The following ZNF514 variants were observed in gnomAD, a reference collection of about 807,000 sequenced individuals.
ZNF514 encodes the protein zinc finger protein 514.
Under a neutral mutation model 9.7 loss-of-function variants are expected in ZNF514, and 12 were observed. That is an observed-to-expected ratio of 1.24 (90% confidence interval 0.79 to 2.01). ZNF514 has a LOEUF of 2.01. Among genes scored for constraint, ZNF514 ranks in the 30% most tolerant of loss-of-function variants. The probability of loss-of-function intolerance (pLI) is 0.00; values close to 1 mark genes in which losing one functional copy is unlikely to be tolerated. For missense variants in ZNF514, 467 were observed against 465.5 expected, an observed-to-expected ratio of 1.00 and a Z score of -0.03; for synonymous variants, 158 against 163.7, an observed-to-expected ratio of 0.97 and a Z score of 0.27.
Position 95,157,341 on chromosome 2 carries a change from T to C in ZNF514, c.-7+10A>G. The C allele has an allele frequency of 7.8e-7, 1 of 1,288,450 alleles. No individual in the cohort carries two copies. Among genetic ancestry groups the C allele is most frequent in the Non-Finnish European group, 1.0e-6 (1 of 987,652 alleles). The allele number at this position is 1,288,450 out of a possible 1,614,324, so 79.8% of individuals were successfully genotyped here. A position where few individuals can be genotyped will look rare whatever the true frequency, so the allele number is the denominator to read the frequency against. ...CAGGCATTTGAGGAAAAATTAAGAA[T>C]ACAACTCACCCGAGGCCTGGCTTTC... On this transcript the variant is annotated intron_variant, in intron 2 of 4. Transcript: ENST00000295208.
At chr2:95,137,971 A>C in the ZNF514 span, among the ~76,000 whole-genome samples, 1 of 152,098 alleles carries the variant, frequency 6.6e-6, no homozygotes, top group Non-Finnish European at 1.5e-5. Flanking sequence ...TGCCCCCATC[A>C]ACTCTTTCTC....
Position 95,152,743 on chromosome 2 carries a change from T to A in ZNF514, c.148A>T (p.Ile50Phe). ...TCACCCCCTTCCTCCAACTGGCAGATCACATATGGTTTGGATACTAGAAGG... is the reference window on the plus strand; with the variant it reads ...TCACCCCCTTCCTCCAACTGGCAGAACACATATGGTTTGGATACTAGAAGG... The part of the protein sequence containing the change: ...LGLLVSKPYV[I>F]CQLEEGGEPF... Residue 50 changes from isoleucine to phenylalanine, a missense_variant, in exon 4 of 5, where the codon ATC becomes TTC. Physicochemically the swap from Ile to Phe is conservative, Grantham distance 21. Transcript: ENST00000295208. 1 of 1,614,172 alleles carries A rather than the reference T, an allele frequency of 6.2e-7. No homozygotes were observed. The highest frequency in any genetic ancestry group is 8.5e-7 in the Non-Finnish European group (1 of 1,180,024).
At position 95,149,094 on chromosome 2, in the gene ZNF514, G is replaced by T; in HGVS notation, c.*188C>A. 2 of 642,942 alleles carry T rather than the reference G, an allele frequency of 3.1e-6. No individual in the cohort carries two copies. The highest frequency in any genetic ancestry group is 1.8e-5 in the African/African-American group (1 of 54,778). The allele number at this position is 642,942 out of a possible 1,614,324, so 39.8% of individuals were successfully genotyped here. A position where few individuals can be genotyped will look rare whatever the true frequency, so the allele number is the denominator to read the frequency against. ...CACTAGTATGGATTCTCCCATGTTT[G>T]GTAAGAGAGGGGAAGCCCACCCCCT... On this transcript the variant is annotated 3_prime_UTR_variant, in exon 5 of 5. Coordinates refer to ENST00000295208, the MANE Select transcript of ZNF514 (RefSeq NM_032788.3).
chr2:95,143,881 TAGAA>T, downstream of ZNF514, among the ~76,000 whole-genome samples: 1 of 152,270 alleles, frequency 6.6e-6, no homozygotes, highest in Admixed American at 6.5e-5. Context: ...TAAATTAAAG[TAGAA>T]AGAAAGGAAT....
chr2:95,123,154 G>T, the ZNF514 span, among the ~76,000 whole-genome samples: 1 of 152,156 alleles, frequency 6.6e-6, no homozygotes, highest in Admixed American at 6.5e-5. Context: ...GCTAAGTAAA[G>T]AGGCTGACTG....
the ZNF514 span, among the ~76,000 whole-genome samples, chr2:95,135,702 A>G: frequency 4.0e-5 from 6 of 151,890 alleles, no homozygotes; most frequent in East Asian, 9.8e-4. Flanking sequence ...GATTACAGGC[A>G]TGACCCATCA....
At chr2:95,128,327 T>C in the ZNF514 span, among the ~76,000 whole-genome samples, 3 of 151,176 alleles carry the variant, frequency 2.0e-5, no homozygotes, top group African/African-American at 7.3e-5. Flanking sequence ...GAGGTGAAGG[T>C]TGCAGTGAGC....
rs1332889849 is a variant in ZNF514 at position 95,148,573 on chromosome 2, T to A, written c.*709A>T. Reference sequence around the variant, plus strand: ...AGTTGCTCTAGCACAAATTCTCTAATGTACAAATTCTCTAACGTGTTTTGG... The same window carrying A: ...AGTTGCTCTAGCACAAATTCTCTAAAGTACAAATTCTCTAACGTGTTTTGG... On this transcript the variant is annotated 3_prime_UTR_variant, in exon 5 of 5. Coordinates refer to ENST00000295208, the MANE Select transcript of ZNF514 (RefSeq NM_032788.3). 6.6e-6 allele frequency: 1 copy of A among 151,982 alleles called. No homozygotes were observed. Among genetic ancestry groups the A allele is most frequent in the East Asian group, 1.9e-4 (1 of 5,200 alleles). 9.4% of individuals were successfully genotyped at this position (151,982 alleles called of 1,614,324 possible).
chr2:95,134,605 T>C, the ZNF514 span, among the ~76,000 whole-genome samples: 12 of 152,280 alleles, frequency 7.9e-5, no homozygotes, highest in East Asian at 1.5e-3. Flanking sequence ...AGAAACCCCA[T>C]ACCCTTTAGC....
downstream of ZNF514, among the ~76,000 whole-genome samples, chr2:95,143,211 C>A (rs1277632654): frequency 6.6e-6 from 1 of 152,174 alleles, no homozygotes; most frequent in Non-Finnish European, 1.5e-5. Flanking sequence ...GTCAATCTTT[C>A]TCAACAAAGA....
At chr2:95,133,464 G>A in the ZNF514 span, among the ~76,000 whole-genome samples, 1 of 152,200 alleles carries the variant, frequency 6.6e-6, no homozygotes, top group Non-Finnish European at 1.5e-5. Context: ...TAGGAAGGGG[G>A]TGGCAGCAGG....
At chr2:95,125,302 A>G in the ZNF514 span, among the ~76,000 whole-genome samples, 228 of 145,238 alleles carry the variant, frequency 1.6e-3, 1 homozygote, top group Non-Finnish European at 2.7e-3. Flanking sequence ...GTATAGTGGC[A>G]TGATCTCAGC....
At chr2:95,152,351 T>C (rs1268404257) in intron 4 of ZNF514, among the ~76,000 whole-genome samples, 1 of 152,080 alleles carries the variant, frequency 6.6e-6, no homozygotes, top group Non-Finnish European at 1.5e-5. Context: ...CCCTTAACTC[T>C]GCTGATCTAG....
chr2:95,143,866 TTAAA>T (rs1420218926), downstream of ZNF514, among the ~76,000 whole-genome samples: 1 of 152,182 alleles, frequency 6.6e-6, no homozygotes, highest in Non-Finnish European at 1.5e-5. Flanking sequence ...GTACTCTTAG[TTAAA>T]TAAATTAAAG....
In ZNF514 at chr2:95,149,672, C is replaced by G; in HGVS notation, c.813G>C (p.Gln271His). The change falls in exon 5 of 5, where the codon CAG becomes CAC. Residue 271 changes from glutamine to histidine, a missense_variant. Physicochemically the swap from Gln to His is conservative, Grantham distance 24. Coordinates refer to ENST00000295208, the MANE Select transcript of ZNF514 (RefSeq NM_032788.3). ...TATAGTGCAGAACAAGAGACGAACT[C>G]TGGCTGAAGGCTCTCCCACATTCAC... is the stretch of plus-strand genomic sequence containing the variant. ...ECSECGRAFS[Q>H]SSSLVLHYRF... 6.2e-7 allele frequency: 1 copy of G among 1,614,164 alleles called. No individual in the cohort carries two copies. The highest frequency in any genetic ancestry group is 8.5e-7 in the Non-Finnish European group (1 of 1,180,024).
At chr2:95,143,056 CT>C (rs888002045), downstream of ZNF514, among the ~76,000 whole-genome samples, 2 of 152,174 alleles carry the variant, frequency 1.3e-5, no homozygotes, top group African/African-American at 4.8e-5. Flanking sequence ...TTGCTCAATG[CT>C]TCTGTACAGC....
the ZNF514 span, among the ~76,000 whole-genome samples, chr2:95,138,632 C>T: frequency 2.7e-4 from 41 of 152,266 alleles, no homozygotes; most frequent in Admixed American, 4.6e-4. Context: ...GAAGCAAATA[C>T]ATGACTTAAA....
At chr2:95,158,729 A>G in intron 1 of ZNF514, 3 of 1,014,034 alleles carry the variant, frequency 3.0e-6, no homozygotes, top group East Asian at 6.4e-5. Flanking sequence ...ACAATTTTCC[A>G]TGGCCATCCC....
chr2:95,147,731 C>A lies in ZNF514; in HGVS notation c.*1551G>T, dbSNP rs1414076623. The A allele has an allele frequency of 6.6e-6, 1 of 152,000 alleles. No homozygotes were observed. Among genetic ancestry groups the A allele is most frequent in the South Asian group, 2.1e-4 (1 of 4,824 alleles). The allele number at this position is 152,000 out of a possible 1,614,324, so 9.4% of individuals were successfully genotyped here. A position where few individuals can be genotyped will look rare whatever the true frequency, so the allele number is the denominator to read the frequency against. On this transcript the variant is annotated 3_prime_UTR_variant, in exon 5 of 5. Coordinates refer to ENST00000295208, the MANE Select transcript of ZNF514 (RefSeq NM_032788.3). Reference sequence around the variant, plus strand: ...TCGGCTGACTGCAAGCTCTGCCTCCCCGATTCACGCCATTCTCCTGTCTCA... The same window carrying A: ...TCGGCTGACTGCAAGCTCTGCCTCCACGATTCACGCCATTCTCCTGTCTCA...
Sources: allele counts gnomAD v4.1 joint callset (sites outside exome capture counted in the v4.1 genomes callset), GRCh38; gene constraint gnomAD v4.1.1; transcripts MANE v1.5; gene names NCBI Gene and HGNC (gene_info 2026-07-23, HGNC 2026-07-21).